The following HNRNPR variants were observed in gnomAD, a reference collection of about 807,000 sequenced individuals.
HNRNPR encodes heterogeneous nuclear ribonucleoprotein R.
In HNRNPR, 4 loss-of-function variants were observed where a neutral mutation model predicts 70.3. That is an observed-to-expected ratio of 0.06 (90% CI 0.03 to 0.13). The LOEUF is 0.13. Ranked by LOEUF, HNRNPR falls within the 10% of genes least tolerant of loss-of-function variation. The pLI is 1.00. For missense variants in HNRNPR, 423 were observed against 788.5 expected, an observed-to-expected ratio of 0.54 and a Z score of 5.55; for synonymous variants, 241 against 267.6, an observed-to-expected ratio of 0.90 and a Z score of 0.97.
chr1:23,336,658 G>A (rs1207682178), intron 4 of HNRNPR, among the ~76,000 whole-genome samples: 1 of 149,296 alleles, frequency 6.7e-6, no homozygotes, highest in African/African-American at 2.5e-5. Flanking sequence ...GCTGAGGCAG[G>A]AGAATCGCTT....
chr1:23,310,360 A>G lies in HNRNPR; in HGVS notation c.*94T>C. The stretch of plus-strand genomic sequence containing the variant: ...TACAAATGGCAGCAAAATGCTACTT[A>G]AAGATGAAACAGTTAAGCCAATTTT... On this transcript the variant is annotated 3_prime_UTR_variant, in exon 11 of 11. Transcript: ENST00000302271. This position sits in a 1 kb window ranked among gnomAD's most constrained non-coding sequence, Gnocchi z 6.0. 8.2e-7 allele frequency: 1 copy of G among 1,219,786 alleles called. No homozygotes were observed. Among genetic ancestry groups the G allele is most frequent in the South Asian group, 1.5e-5 (1 of 65,412 alleles). 75.6% of individuals were successfully genotyped at this position (1,219,786 alleles called of 1,614,324 possible). A position where few individuals can be genotyped will look rare whatever the true frequency, so the allele number is the denominator to read the frequency against.
chr1:23,336,571 CAAAAAAAAAAAAAAAA>C (rs869203047), intron 4 of HNRNPR, among the ~76,000 whole-genome samples: 3 of 41,182 alleles, frequency 7.3e-5, no homozygotes, highest in Admixed American at 7.9e-4. Context: ...GACTCCGTCT[CAAAAAAAAAAAAAAAA>C]AAAAAAAAAA....
intron 5 of HNRNPR, among the ~76,000 whole-genome samples, chr1:23,331,724 C>T (rs1646232897): frequency 6.7e-6 from 1 of 148,578 alleles, no homozygotes; most frequent in Non-Finnish European, 1.5e-5. Context: ...GTCCCAGCTA[C>T]TGGGGAGGCT....
At chr1:23,330,267 T>C (rs1197774754) in intron 5 of HNRNPR, among the ~76,000 whole-genome samples, 1 of 151,846 alleles carries the variant, frequency 6.6e-6, no homozygotes, top group Non-Finnish European at 1.5e-5. Flanking sequence ...CCAGGCGAGG[T>C]TGCTCACTCC....
Position 23,310,882 on chromosome 1 carries a change from C to G in HNRNPR, c.1474G>C (p.Gly492Arg), listed in dbSNP as rs770862499. ...YRGGYEDPYY[G>R]YDDGYAVRGR... is the part of the protein sequence containing the mutation. ...CTTACTGCATAGCCATCATCATAGCCGTAGTAGGGATCTTCATAGCCTCCA... is the reference window on the plus strand; with the variant it reads ...CTTACTGCATAGCCATCATCATAGCGGTAGTAGGGATCTTCATAGCCTCCA... The change falls in exon 11 of 11, where the codon GGC (glycine) becomes CGC (arginine). Residue 492 changes from glycine to arginine, a missense_variant. By Grantham distance (125) the Gly-to-Arg change is moderately radical. Around this residue, in one of 7 missense-constraint regions of HNRNPR, gnomAD observed 169 missense variants for 195.6 expected, o/e 0.86. Coordinates refer to ENST00000302271, the MANE Select transcript of HNRNPR (RefSeq NM_005826.5). This position sits in a 1 kb window ranked among gnomAD's most constrained non-coding sequence, Gnocchi z 6.0. 6.2e-7 allele frequency: 1 copy of G among 1,613,954 alleles called. No homozygotes were observed. Among genetic ancestry groups the G allele is most frequent in the East Asian group, 2.2e-5 (1 of 44,880 alleles).
chr1:23,317,181 G>A (rs759366470), intron 8 of HNRNPR, among the ~76,000 whole-genome samples: 1 of 152,034 alleles, frequency 6.6e-6, no homozygotes, highest in African/African-American at 2.4e-5. Context: ...CTCTGAGGCC[G>A]GGCGCAGTGG....
At position 23,318,568 on chromosome 1, in the gene HNRNPR, C is replaced by T. The variant is rs1005763804; in HGVS notation, c.932G>A (p.Ser311Asn). Residue 311 changes from serine (S) to asparagine (N), a missense_variant, in exon 8 of 11, where the codon AGT (serine) becomes AAT (asparagine). Ser to Asn is a conservative substitution (Grantham distance 46). Coordinates refer to ENST00000302271, the MANE Select transcript of HNRNPR (RefSeq NM_005826.5). The surrounding 1 kb of genome is among the most constrained non-coding windows in gnomAD (Gnocchi z 4.2). ...SAAQARRRLMSGKVKVWGNVV... is the reference protein window; with the variant it reads ...SAAQARRRLMNGKVKVWGNVV... ...ATTTCCCCACACTTTTACTTTTCCA[C>T]TCATCAGCCGGCGTCTGGCTTGTGC... 1.2e-6 allele frequency: 2 copies of T among 1,614,208 alleles called. No individual in the cohort carries two copies. The highest frequency in any genetic ancestry group is 1.7e-6 in the Non-Finnish European group (2 of 1,180,034).
At chr1:23,333,711 A>C in intron 4 of HNRNPR, 80 bp from the exon 5 acceptor site, 1 of 787,002 alleles carries the variant, frequency 1.3e-6, no homozygotes, top group South Asian at 1.8e-5. Flanking sequence ...TTTTCCAAAA[A>C]GGACTCCAAC....
chr1:23,318,398 T>C lies in HNRNPR; in HGVS notation c.1017+85A>G. 8.6e-7 allele frequency: 1 copy of C among 1,159,176 alleles called. No individual in the cohort carries two copies. The highest frequency in any genetic ancestry group is 1.3e-6 in the Non-Finnish European group (1 of 791,220). The allele number at this position is 1,159,176 out of a possible 1,614,324, so 71.8% of individuals were successfully genotyped here. ...AGTCTAAAGCTACAATTTCTATTTA[T>C]CATAAAACTCAAAATATTTGAGCTT... On this transcript the variant is annotated intron_variant, in intron 8 of 10. Coordinates refer to ENST00000302271, the MANE Select transcript of HNRNPR (RefSeq NM_005826.5). This position sits in a 1 kb window ranked among gnomAD's most constrained non-coding sequence, Gnocchi z 4.2.
chr1:23,327,113 A>G (rs1646019502), intron 5 of HNRNPR, among the ~76,000 whole-genome samples: 1 of 152,150 alleles, frequency 6.6e-6, no homozygotes, highest in Non-Finnish European at 1.5e-5. Flanking sequence ...CCATAAACAG[A>G]CATCTCAGAT....
In HNRNPR at chr1:23,305,676, T is replaced by C. The variant is rs1260760784; in HGVS notation, c.*4778A>G. 1 of 152,070 alleles carries C rather than the reference T, an allele frequency of 6.6e-6. No individual in the cohort carries two copies. Among genetic ancestry groups the C allele is most frequent in the East Asian group, 1.9e-4 (1 of 5,198 alleles). 9.4% of individuals were successfully genotyped at this position (152,070 alleles called of 1,614,324 possible). A position where few individuals can be genotyped will look rare whatever the true frequency, so the allele number is the denominator to read the frequency against. Reference sequence around the variant, plus strand: ...ATGGAATCCCCTACAAACTATAAGATGAGGGATTTTAATCTTTAGCAATAA... The same window carrying C: ...ATGGAATCCCCTACAAACTATAAGACGAGGGATTTTAATCTTTAGCAATAA... On this transcript the variant is annotated 3_prime_UTR_variant, in exon 11 of 11. Transcript: ENST00000302271.
In HNRNPR at chr1:23,318,010, T is replaced by A. The variant is rs1324704870; in HGVS notation, c.1017+473A>T. ...ATAATAATAATAAATAAAATATTTTTAAAAATAAAAACTACAAAAAAAGCT... is the reference window on the plus strand; with the variant it reads ...ATAATAATAATAAATAAAATATTTTAAAAAATAAAAACTACAAAAAAAGCT... On this transcript the variant is annotated intron_variant, in intron 8 of 10. Coordinates refer to ENST00000302271, the MANE Select transcript of HNRNPR (RefSeq NM_005826.5). This position sits in a 1 kb window ranked among gnomAD's most constrained non-coding sequence, Gnocchi z 4.2. Among the ~76,000 whole-genome samples, 3 of 150,378 alleles carry A rather than the reference T, an allele frequency of 2.0e-5. No individual in the cohort carries two copies. The highest frequency in any genetic ancestry group is 3.0e-5 in the Non-Finnish European group (2 of 67,734).
chr1:23,310,319 G>C lies in HNRNPR; in HGVS notation c.*135C>G. On this transcript the variant is annotated 3_prime_UTR_variant, in exon 11 of 11. Coordinates refer to ENST00000302271, the MANE Select transcript of HNRNPR (RefSeq NM_005826.5). The surrounding 1 kb of genome is among the most constrained non-coding windows in gnomAD (Gnocchi z 6.0). ...AAGACTTGAGTATATACACAATAGT[G>C]ATTTCTTCAGCCCAATACAAATGGC... 1 of 792,600 alleles carries C rather than the reference G, an allele frequency of 1.3e-6. No individual in the cohort carries two copies. The highest frequency in any genetic ancestry group is 1.7e-5 in the African/African-American group (1 of 58,112). The allele number at this position is 792,600 out of a possible 1,614,324, so 49.1% of individuals were successfully genotyped here.
chr1:23,313,529 G>C (rs763821479), intron 9 of HNRNPR, 24 bp downstream of exon 9: 1 of 1,509,256 alleles, frequency 6.6e-7, no homozygotes, highest in Non-Finnish European at 8.9e-7. Flanking sequence ...CAAATATCAA[G>C]AACCAAAATT....
chr1:23,335,889 G>A (rs1269048064), intron 4 of HNRNPR, among the ~76,000 whole-genome samples: 3 of 149,272 alleles, frequency 2.0e-5, no homozygotes, highest in Non-Finnish European at 3.0e-5. Context: ...AGGCTGAGGC[G>A]GGCGGATCAC....
intron 8 of HNRNPR, among the ~76,000 whole-genome samples, chr1:23,314,771 G>A (rs1050422959): frequency 6.6e-6 from 1 of 152,090 alleles, no homozygotes; most frequent in African/African-American, 2.4e-5. Context: ...CCTACAGAAA[G>A]GAATATGGCA....
At chr1:23,331,308 T>A (rs193280273) in intron 5 of HNRNPR, among the ~76,000 whole-genome samples, 145 of 150,182 alleles carry the variant, frequency 9.7e-4, no homozygotes, top group Middle Eastern at 3.4e-3. Context: ...ACGCCTGTAA[T>A]CCCAGCATTT....
At chr1:23,325,831 T>C (rs1473802260) in intron 5 of HNRNPR, among the ~76,000 whole-genome samples, 1 of 152,098 alleles carries the variant, frequency 6.6e-6, no homozygotes, top group African/African-American at 2.4e-5. Flanking sequence ...TTACTTTAGA[T>C]TGTATTATAT....
chr1:23,328,166 G>T (rs1321064743), intron 5 of HNRNPR, among the ~76,000 whole-genome samples: 2 of 152,224 alleles, frequency 1.3e-5, no homozygotes, highest in Admixed American at 6.5e-5. Flanking sequence ...TGGGAAAACA[G>T]AGAACGGGGC....
Sources: allele counts gnomAD v4.1 joint callset (sites outside exome capture counted in the v4.1 genomes callset), GRCh38; gene constraint gnomAD v4.1.1; regional missense constraint gnomAD v4.1.1; non-coding constraint Gnocchi (gnomAD v3.1); transcripts MANE v1.5; gene names NCBI Gene and HGNC (gene_info 2026-07-23, HGNC 2026-07-21).